The following MYLK variants were observed in gnomAD, a reference collection of about 807,000 sequenced individuals.
MYLK encodes the protein myosin light chain kinase, smooth muscle.
Under a neutral mutation model 203.4 loss-of-function variants are expected in MYLK, and 106 were observed. That is an observed-to-expected ratio of 0.52 (90% CI 0.45 to 0.61). The LOEUF is 0.61. Ranked by LOEUF, MYLK falls within the 20% of genes least tolerant of loss-of-function variation. MYLK has a pLI of 0.00. For synonymous variants in MYLK, 867 were observed against 959.5 expected, an observed-to-expected ratio of 0.90 and a Z score of 1.78; for missense variants, 2,072 against 2,442.3, an observed-to-expected ratio of 0.85 and a Z score of 3.20.
At chr3:123,663,999 G>A in intron 23 of MYLK, 106 bp downstream of exon 23, 1 of 1,484,880 alleles carries the variant, frequency 6.7e-7, no homozygotes, top group Non-Finnish European at 9.4e-7. Flanking sequence ...GCACAGGAGT[G>A]GTGAGAGATA....
intron 5 of MYLK, among the ~76,000 whole-genome samples, chr3:123,747,910 G>A (rs894148738): frequency 9.2e-5 from 14 of 152,186 alleles, no homozygotes; most frequent in Non-Finnish European, 1.3e-4. Flanking sequence ...CACACCCACC[G>A]TTTGGGCACT....
intron 29 of MYLK, among the ~76,000 whole-genome samples, chr3:123,635,415 A>G (rs1196195316): frequency 6.6e-6 from 1 of 152,194 alleles, no homozygotes; most frequent in East Asian, 1.9e-4. Flanking sequence ...ATGCTGAGAG[A>G]GCCAGGCTGG....
At chr3:123,862,390 C>A (rs1229768479) in intron 2 of MYLK, among the ~76,000 whole-genome samples, 2 of 152,134 alleles carry the variant, frequency 1.3e-5, no homozygotes, top group Non-Finnish European at 2.9e-5. Flanking sequence ...GCCTTAAATC[C>A]ATTGTCTATT....
At chr3:123,794,919 G>C (rs1288094045) in intron 3 of MYLK, among the ~76,000 whole-genome samples, 1 of 152,034 alleles carries the variant, frequency 6.6e-6, no homozygotes, top group African/African-American at 2.4e-5. Flanking sequence ...AGTATGTATA[G>C]TCATCATTTC....
At chr3:123,762,541 CT>C (rs2063569149) in intron 4 of MYLK, among the ~76,000 whole-genome samples, 1 of 152,172 alleles carries the variant, frequency 6.6e-6, no homozygotes, top group South Asian at 2.1e-4. Context: ...CTACTTTATT[CT>C]TTTTAATTTT....
chr3:123,694,782 G>T (rs1460234283), intron 18 of MYLK, among the ~76,000 whole-genome samples: 1 of 152,268 alleles, frequency 6.6e-6, no homozygotes, highest in African/African-American at 2.4e-5. Context: ...CCCAGAGCCT[G>T]GACCCCTGGC....
Position 123,803,108 on chromosome 3 carries a change from A to G in MYLK, c.-3-9264T>C, listed in dbSNP as rs918350666. ...ACAAGAACCGAGCTCATGGCTTCCA[A>G]TCCCTAGGAGGGTGGCTTGAGGCAA... is the stretch of plus-strand genomic sequence containing the variant. On this transcript the variant is annotated intron_variant, in intron 3 of 33. Coordinates refer to ENST00000360304, the MANE Select transcript of MYLK (RefSeq NM_053025.4). 3.9e-5 allele frequency among the ~76,000 whole-genome samples: 6 copies of G among 152,296 alleles called. No individual in the cohort carries two copies. The South Asian group carries it at 8.3e-4, about 21-fold the overall frequency.
At chr3:123,727,117 C>A (rs997234375) in intron 11 of MYLK, among the ~76,000 whole-genome samples, 18 of 152,180 alleles carry the variant, frequency 1.2e-4, no homozygotes, top group Admixed American at 1.2e-3. Context: ...ACTAATTTCC[C>A]ATAGTTGAAC....
intron 4 of MYLK, among the ~76,000 whole-genome samples, chr3:123,764,546 G>C (rs1190348348): frequency 1.3e-5 from 2 of 152,178 alleles, no homozygotes; most frequent in Non-Finnish European, 2.9e-5. Flanking sequence ...CGCAGGGTGG[G>C]AAGGTAAGTT....
Position 123,644,935 on chromosome 3 carries a change from C to T in MYLK, c.4619+2289G>A, listed in dbSNP as rs1279628868. ...GACTGTTCTAATCCAAGTACTTCTT[C>T]GTGCTGATAGGATTTGACAATTGCA... On this transcript the variant is annotated intron_variant, in intron 27 of 33. Transcript: ENST00000360304. Among the ~76,000 whole-genome samples, 3 of 152,176 alleles carry T rather than the reference C, an allele frequency of 2.0e-5. 1 individual carries two copies. Among genetic ancestry groups the T allele is most frequent in the Admixed American group, 1.3e-4 (2 of 15,284 alleles).
At chr3:123,663,959 A>T in intron 23 of MYLK, 146 bp downstream of exon 23, 1 of 1,235,502 alleles carries the variant, frequency 8.1e-7, no homozygotes, top group Non-Finnish European at 1.2e-6. Context: ...GGTTGCCGTG[A>T]TCTTCTTTCT....
At chr3:123,848,254 GA>G (rs11409032) in intron 2 of MYLK, among the ~76,000 whole-genome samples, 4 of 144,962 alleles carry the variant, frequency 2.8e-5, no homozygotes, top group South Asian at 2.2e-4. Context: ...GTCTTATTTT[GA>G]AAAAAAAAAA....
Position 123,638,296 on chromosome 3 carries a change from C to T in MYLK, c.4838-102G>A. The T allele has an allele frequency of 3.3e-6, 5 of 1,534,044 alleles. No individual in the cohort carries two copies. The South Asian group carries it at 5.7e-5, about 18-fold the overall frequency. On this transcript the variant is annotated intron_variant, in intron 28 of 33. Transcript: ENST00000360304. Reference sequence around the variant, plus strand: ...TGTGTTGACCCCAACCTGGGAGGGGCCAGACACAGGCTTTGGCACAGAGAA... The same window carrying T: ...TGTGTTGACCCCAACCTGGGAGGGGTCAGACACAGGCTTTGGCACAGAGAA...
At position 123,726,212 on chromosome 3, in the gene MYLK, C is replaced by T. The variant is rs113783716; in HGVS notation, c.1517-134G>A. The T allele has an allele frequency of 4.1e-3, 4,672 of 1,148,676 alleles. 138 individuals carry two copies. In the African/African-American group the frequency reaches 0.059, roughly 15 times the overall value. The allele number at this position is 1,148,676 out of a possible 1,614,324, so 71.2% of individuals were successfully genotyped here. On this transcript the variant is annotated intron_variant, in intron 11 of 33. Coordinates refer to ENST00000360304, the MANE Select transcript of MYLK (RefSeq NM_053025.4). ...ACCCTCGGCAGCCTGCCTTTGGCTT[C>T]TCTCTCTTCATGCTTAAGAAACAGG... is the stretch of plus-strand genomic sequence containing the variant.
intron 4 of MYLK, among the ~76,000 whole-genome samples, chr3:123,774,531 G>A (rs774524674): frequency 2.6e-5 from 4 of 152,132 alleles, no homozygotes; most frequent in Non-Finnish European, 5.9e-5. Flanking sequence ...ATTTACACAA[G>A]GTCCCCAGAT....
chr3:123,616,677 T>C (rs2057514581), intron 33 of MYLK: 1 of 152,178 alleles, frequency 6.6e-6, no homozygotes, highest in African/African-American at 2.4e-5. Flanking sequence ...CCCTCATGAA[T>C]GTCTTGGTGC....
At chr3:123,638,235 C>G in intron 28 of MYLK, 41 bp from the exon 29 acceptor site, 1 of 1,612,698 alleles carries the variant, frequency 6.2e-7, no homozygotes, top group Non-Finnish European at 8.5e-7. Context: ...CAGCACATCA[C>G]GGAGCCAGCT....
Position 123,642,757 on chromosome 3 carries a change from C to T in MYLK, c.4620-2253G>A, listed in dbSNP as rs993981431. Among the ~76,000 whole-genome samples, 1 of 152,204 alleles carries T rather than the reference C, an allele frequency of 6.6e-6. No individual in the cohort carries two copies. The highest frequency in any genetic ancestry group is 1.5e-5 in the Non-Finnish European group (1 of 68,036). On this transcript the variant is annotated intron_variant, in intron 27 of 33. Transcript: ENST00000360304. This position sits in a 1 kb window ranked among gnomAD's most constrained non-coding sequence, Gnocchi z 4.2. ...AAGATGCAGATTAAAAACAGCCTCA[C>T]CTCACAGGGTGGCTTCAAAGACTAA...
chr3:123,646,537 G>A (rs2059026950), intron 27 of MYLK, among the ~76,000 whole-genome samples: 1 of 152,268 alleles, frequency 6.6e-6, no homozygotes, highest in Non-Finnish European at 1.5e-5. Flanking sequence ...GCATGTGTGT[G>A]TGTGCGTGTG....
Sources: gnomAD v4.1 joint callset for allele counts (sites outside exome capture counted in the v4.1 genomes callset) on GRCh38, gnomAD v4.1.1 for gene constraint, Gnocchi (gnomAD v3.1) non-coding constraint, MANE v1.5 for transcripts, NCBI Gene and HGNC (gene_info 2026-07-23, HGNC 2026-07-21) for gene names.